Variants in FANCI observed in about 807,000 individuals in gnomAD.
FANCI encodes the protein FA complementation group I, also known as Fanconi anemia group I protein.
Under a neutral mutation model 176.1 loss-of-function variants are expected in FANCI, and 156 were observed. That is an observed-to-expected ratio of 0.89 (90% confidence interval 0.78 to 1.01). The LOEUF is 1.01. FANCI is among the 50% of genes least tolerant of loss of function. FANCI has a pLI of 0.00. For synonymous variants in FANCI, 613 were observed against 541.7 expected, an observed-to-expected ratio of 1.13 and a Z score of -1.83; for missense variants, 1,678 against 1,534.1, an observed-to-expected ratio of 1.09 and a Z score of -1.57.
intron 2 of FANCI, 51 bp from the exon 3 acceptor site, chr15:89,258,653 T>G: frequency 7.4e-7 from 1 of 1,354,598 alleles, no homozygotes; most frequent in Non-Finnish European, 1.1e-6. Flanking sequence ...GTTTAGGTCA[T>G]TGGGGTAAAA....
In FANCI at chr15:89,305,332, T is replaced by C; in HGVS notation, c.3187-9T>C. The C allele has an allele frequency of 6.2e-7, 1 of 1,614,206 alleles. No homozygotes were observed. Among genetic ancestry groups the C allele is most frequent in the Non-Finnish European group, 8.5e-7 (1 of 1,180,038 alleles). On this transcript the variant is annotated splice_polypyrimidine_tract_variant and intron_variant, in intron 29 of 37. Transcript: ENST00000310775. ...TGTCATTAGGTCTCACCTCTCTTCTTTTCCCCAGGATGTAGAGGTGGAGAA... is the reference window on the plus strand; with the variant it reads ...TGTCATTAGGTCTCACCTCTCTTCTCTTCCCCAGGATGTAGAGGTGGAGAA...
At chr15:89,280,245 C>G (rs1418201719) in intron 14 of FANCI, among the ~76,000 whole-genome samples, 1 of 152,162 alleles carries the variant, frequency 6.6e-6, no homozygotes, top group Non-Finnish European at 1.5e-5. Context: ...TGGTCTCAAT[C>G]TCTTGACCTC....
chr15:89,307,561 G>A (rs765404377), intron 33 of FANCI, 32 bp downstream of exon 33: 6 of 1,614,036 alleles, frequency 3.7e-6, no homozygotes, highest in Non-Finnish European at 5.1e-6. Context: ...TAGGAATGGG[G>A]GAAGCACTTT....
chr15:89,267,575 T>C (rs910844220), intron 9 of FANCI, among the ~76,000 whole-genome samples: 5 of 151,884 alleles, frequency 3.3e-5, no homozygotes, highest in African/African-American at 4.8e-5. Flanking sequence ...TGGGAAGAGA[T>C]TGTGAGATAA....
intron 10 of FANCI, among the ~76,000 whole-genome samples, chr15:89,269,254 TGAATATTTCAGCATGC>T (rs1357080372): frequency 6.6e-6 from 1 of 152,172 alleles, no homozygotes; most frequent in African/African-American, 2.4e-5. Flanking sequence ...CTTCAATGCC[TGAATATTTCAGCATGC>T]TAAGAATAAG....
intron 1 of FANCI, among the ~76,000 whole-genome samples, chr15:89,247,222 T>G (rs2052028787): frequency 6.6e-6 from 1 of 152,190 alleles, no homozygotes; most frequent in Non-Finnish European, 1.5e-5. Flanking sequence ...TTTATAGTGC[T>G]ATTGGTTTAT....
At chr15:89,264,185 T>C in intron 8 of FANCI, 159 bp downstream of exon 8, 1 of 875,292 alleles carries the variant, frequency 1.1e-6, no homozygotes, top group Non-Finnish European at 1.9e-6. Flanking sequence ...GATGCTTTCA[T>C]TTCACATATA....
intron 32 of FANCI, among the ~76,000 whole-genome samples, chr15:89,306,850 T>C (rs901841161): frequency 2.0e-5 from 3 of 152,200 alleles, no homozygotes. Context: ...CCATAATGCA[T>C]AGAAATTATA....
chr15:89,296,943 AC>A (rs2054306956), intron 24 of FANCI, among the ~76,000 whole-genome samples: 1 of 133,908 alleles, frequency 7.5e-6, no homozygotes, highest in East Asian at 2.5e-4. Context: ...TCCCTCCCGG[AC>A]GGGGCGGCTG....
rs1356351743 is a variant in FANCI at position 89,265,520 on chromosome 15, TTTTC to T, written c.755+925_755+928del. Among the ~76,000 whole-genome samples the T allele has an allele frequency of 6.6e-5, 10 of 151,572 alleles. No individual in the cohort carries two copies. In the East Asian group the frequency reaches 1.2e-3, roughly 18 times the overall value. On this transcript the variant is annotated intron_variant, in intron 9 of 37. Coordinates refer to ENST00000310775, the MANE Select transcript of FANCI (RefSeq NM_001113378.2). ...CTGTGCCTGGCCAAGGATTTTTGTT[TTTTC>T]TTTCTTTCTTTTTTTTTGAGATGGG...
At chr15:89,248,918 T>C (rs2052107301) in intron 2 of FANCI, among the ~76,000 whole-genome samples, 1 of 152,184 alleles carries the variant, frequency 6.6e-6, no homozygotes, top group Non-Finnish European at 1.5e-5. Context: ...CCAGGCATGG[T>C]GACTTACACC....
At chr15:89,288,097 C>T (rs190103971) in intron 18 of FANCI, among the ~76,000 whole-genome samples, 5 of 152,218 alleles carry the variant, frequency 3.3e-5, no homozygotes, top group African/African-American at 1.2e-4. Context: ...GTAATATCTG[C>T]GAAGTGCAAT....
At chr15:89,290,425 G>C in intron 19 of FANCI, 144 bp downstream of exon 19, 1 of 690,702 alleles carries the variant, frequency 1.4e-6, no homozygotes, top group South Asian at 1.6e-5. Flanking sequence ...ATGTTATGCT[G>C]TTCTGGGTTG....
At chr15:89,295,384 A>G (rs1296415196) in intron 24 of FANCI, among the ~76,000 whole-genome samples, 1 of 143,580 alleles carries the variant, frequency 7.0e-6, no homozygotes, top group East Asian at 2.0e-4. Flanking sequence ...AAAAAAAAAA[A>G]GCCAGACATG....
intron 2 of FANCI, among the ~76,000 whole-genome samples, chr15:89,249,946 A>G (rs1265374413): frequency 6.6e-6 from 1 of 152,242 alleles, no homozygotes; most frequent in Non-Finnish European, 1.5e-5. Context: ...AAAATTAATC[A>G]CATGTCATAT....
chr15:89,249,752 G>A (rs1225635608), intron 2 of FANCI, among the ~76,000 whole-genome samples: 1 of 152,194 alleles, frequency 6.6e-6, no homozygotes, highest in Non-Finnish European at 1.5e-5. Flanking sequence ...GAAAACCTCA[G>A]TAGGTGGTTT....
At position 89,301,004 on chromosome 15, in the gene FANCI, G is replaced by T. The variant is rs2238303; in HGVS notation, c.2890-322G>T. ...TAAGCATTGCTGGGTTTGGTGCCTTGTCTAAGCCTGAGATCAATGGATAGG... is the reference window on the plus strand; with the variant it reads ...TAAGCATTGCTGGGTTTGGTGCCTTTTCTAAGCCTGAGATCAATGGATAGG... On this transcript the variant is annotated intron_variant, in intron 26 of 37. Coordinates refer to ENST00000310775, the MANE Select transcript of FANCI (RefSeq NM_001113378.2). Among the ~76,000 whole-genome samples the T allele has an allele frequency of 0.32, 47,979 of 152,110 alleles. 8,590 individuals are homozygous for T. Among genetic ancestry groups the T allele is most frequent in the South Asian group, 0.39 (1,884 of 4,820 alleles).
In FANCI at chr15:89,299,829, C is replaced by G; in HGVS notation, c.2666C>G (p.Pro889Arg). The change falls in exon 25 of 38, where the codon CCT (proline) becomes CGT (arginine). Residue 889 changes from proline (P) to arginine (R), a missense_variant. This residue lies in a region of FANCI where 1,204 missense variants were observed against 1,077.4 expected (regional missense o/e 1.12). Coordinates refer to ENST00000310775, the MANE Select transcript of FANCI (RefSeq NM_001113378.2). ...RVLLWRYTSI[P>R]TSVEESGKKE... ...TTGCTATGGAGATACACTTCAATTC[C>G]TACTTCAGTGGAAGAGTCGGGAAAG... The G allele has an allele frequency of 6.2e-7, 1 of 1,613,808 alleles. No homozygotes were observed. The highest frequency in any genetic ancestry group is 8.5e-7 in the Non-Finnish European group (1 of 1,179,938).
At chr15:89,296,806 G>T (rs1475047766) in intron 24 of FANCI, among the ~76,000 whole-genome samples, 1 of 149,582 alleles carries the variant, frequency 6.7e-6, no homozygotes, top group Non-Finnish European at 1.5e-5. Flanking sequence ...CCAGGTGGGG[G>T]GCTGACCCCC....
Sources: gnomAD v4.1 joint callset for allele counts (sites outside exome capture counted in the v4.1 genomes callset) on GRCh38, gnomAD v4.1.1 for gene constraint, gnomAD v4.1.1 regional missense constraint, MANE v1.5 for transcripts, NCBI Gene and HGNC (gene_info 2026-07-23, HGNC 2026-07-21) for gene names.